Variants in HECW2 observed in about 807,000 individuals in gnomAD.
HECW2 encodes the protein E3 ubiquitin-protein ligase HECW2.
A neutral mutation model predicts 175.2 loss-of-function variants in HECW2; 61 were observed. The ratio of observed to expected loss-of-function variants is 0.35; its 90% confidence interval spans 0.28 to 0.43. The LOEUF (loss-of-function observed/expected upper bound fraction) is 0.43. HECW2 is among the 20% of genes least tolerant of loss of function. HECW2 has a pLI of 1.00. For missense variants in HECW2, 1,524 were observed against 2,000.5 expected (o/e 0.76, Z 4.54); for synonymous variants, 671 against 731.0 (o/e 0.92, Z 1.32).
chr2:196,333,127 G>T (rs534663015), intron 4 of HECW2, among the ~76,000 whole-genome samples: 8 of 152,060 alleles, frequency 5.3e-5, no homozygotes, highest in Admixed American at 5.2e-4. Context: ...TCCTGATCAG[G>T]ACAAATCCTA....
chr2:196,552,405 A>C (rs2125485707), intron 1 of HECW2, among the ~76,000 whole-genome samples: 1 of 152,176 alleles, frequency 6.6e-6, no homozygotes, highest in East Asian at 1.9e-4. Context: ...ACTATTTCTT[A>C]CTTTCCCCAT....
intron 2 of HECW2, among the ~76,000 whole-genome samples, chr2:196,421,870 A>G (rs1480404543): frequency 1.3e-5 from 2 of 152,156 alleles, no homozygotes; most frequent in Admixed American, 6.6e-5. Flanking sequence ...TTCTTTGGCT[A>G]CACCAACCTA....
chr2:196,253,753 T>G (rs1282191755), intron 19 of HECW2, among the ~76,000 whole-genome samples, 167 bp downstream of exon 19: 1 of 152,212 alleles, frequency 6.6e-6, no homozygotes, highest in Non-Finnish European at 1.5e-5. Context: ...TGAATCCTCA[T>G]GGAAATAAGC....
chr2:196,306,625 G>T lies in HECW2; in HGVS notation c.2690-13C>A. On this transcript the variant is annotated splice_polypyrimidine_tract_variant and intron_variant, in intron 12 of 28. Coordinates refer to ENST00000644978, the MANE Select transcript of HECW2 (RefSeq NM_001348768.2). ...TCCCGTCGGAAATCTAGATGGGGCA[G>T]ACCACAGAGGCGGTCAGGGAAATCT... 2 of 1,598,336 alleles carry T rather than the reference G, an allele frequency of 1.3e-6. No homozygotes were observed. The highest frequency in any genetic ancestry group is 2.3e-5 in the South Asian group (2 of 88,656).
chr2:196,355,867 G>T (rs1188862875), intron 2 of HECW2, among the ~76,000 whole-genome samples: 1 of 152,114 alleles, frequency 6.6e-6, no homozygotes, highest in African/African-American at 2.4e-5. Flanking sequence ...GGAATGGGGT[G>T]GAGAGAGGTT....
At chr2:196,445,453 T>C (rs550373401) in intron 1 of HECW2, among the ~76,000 whole-genome samples, 1 of 152,192 alleles carries the variant, frequency 6.6e-6, no homozygotes, top group Non-Finnish European at 1.5e-5. Flanking sequence ...CAGGGGTACA[T>C]GTGCAGGCTT....
At chr2:196,428,863 C>T (rs932990298) in intron 2 of HECW2, among the ~76,000 whole-genome samples, 10 of 152,320 alleles carry the variant, frequency 6.6e-5, no homozygotes, top group African/African-American at 2.2e-4. Flanking sequence ...TTAGGAACAA[C>T]TGCAGGTACA....
intron 2 of HECW2, among the ~76,000 whole-genome samples, chr2:196,359,512 A>G (rs541365736): frequency 6.6e-6 from 1 of 152,320 alleles, no homozygotes; most frequent in South Asian, 2.1e-4. Flanking sequence ...CTCAAAGATA[A>G]TCTCTTTTAA....
intron 1 of HECW2, among the ~76,000 whole-genome samples, chr2:196,482,985 G>T (rs115190494): frequency 1.3e-5 from 2 of 150,972 alleles, no homozygotes; most frequent in Non-Finnish European, 2.9e-5. Flanking sequence ...GCTACAACTC[G>T]TTGGCTTACC....
chr2:196,250,765 C>T (rs138919422), intron 19 of HECW2, among the ~76,000 whole-genome samples: 2,678 of 152,244 alleles, frequency 0.018, 38 homozygotes, highest in Middle Eastern at 0.051. Flanking sequence ...CTTCCACTCA[C>T]GTCCTGTGTC....
Position 196,201,155 on chromosome 2 carries a change from A to G in HECW2, c.*122T>C. 2.9e-6 allele frequency: 2 copies of G among 688,912 alleles called. No homozygotes were observed. The highest frequency in any genetic ancestry group is 3.4e-5 in the South Asian group (2 of 59,384). The allele number at this position is 688,912 out of a possible 1,614,324, so 42.7% of individuals were successfully genotyped here. A position where few individuals can be genotyped will look rare whatever the true frequency, so the allele number is the denominator to read the frequency against. On this transcript the variant is annotated 3_prime_UTR_variant, in exon 29 of 29. Coordinates refer to ENST00000644978, the MANE Select transcript of HECW2 (RefSeq NM_001348768.2). Reference sequence around the variant, plus strand: ...GTGACAGAGCACTTGTTCCTGGAAAACAACAGCACATAGCTTTATCCTAAA... The same window carrying G: ...GTGACAGAGCACTTGTTCCTGGAAAGCAACAGCACATAGCTTTATCCTAAA...
chr2:196,367,161 A>T (rs7609041), intron 2 of HECW2, among the ~76,000 whole-genome samples: 2,341 of 152,242 alleles, frequency 0.015, 63 homozygotes, highest in African/African-American at 0.053. Context: ...CTTTACCACC[A>T]TAGTGTATGA....
At chr2:196,525,263 G>A (rs1422981204) in intron 1 of HECW2, among the ~76,000 whole-genome samples, 3,464 of 76,500 alleles carry the variant, frequency 0.045, no homozygotes, top group Non-Finnish European at 0.055. Context: ...ATCTTTGTTG[G>A]TTTAAAGTCT....
chr2:196,537,121 G>C (rs1689047180), intron 1 of HECW2, among the ~76,000 whole-genome samples: 1 of 152,138 alleles, frequency 6.6e-6, no homozygotes, highest in African/African-American at 2.4e-5. Flanking sequence ...CAGGCCTCCT[G>C]CTCCTAGGAA....
rs548319641 is a variant in HECW2, at chr2:196,401,112, C to T, written c.292+32020G>A. Among the ~76,000 whole-genome samples, 14 of 152,258 alleles carry T rather than the reference C, an allele frequency of 9.2e-5. No homozygotes were observed. In the South Asian group the frequency reaches 2.9e-3, roughly 32 times the overall value. Reference sequence around the variant, plus strand: ...ATTCTTTGCCTCAGCAGTTTCATGCCTAGAAATTGTTTTTTGAAATACTGA... The same window carrying T: ...ATTCTTTGCCTCAGCAGTTTCATGCTTAGAAATTGTTTTTTGAAATACTGA... On this transcript the variant is annotated intron_variant, in intron 2 of 28. Coordinates refer to ENST00000644978, the MANE Select transcript of HECW2 (RefSeq NM_001348768.2).
intron 12 of HECW2, 107 bp downstream of exon 12, chr2:196,307,023 T>C (rs1173001799): frequency 5.6e-6 from 4 of 717,436 alleles, no homozygotes; most frequent in South Asian, 1.9e-5. Flanking sequence ...CCAGATCTTA[T>C]TGAAGAGCAA....
chr2:196,274,479 C>T (rs62184596), intron 15 of HECW2, among the ~76,000 whole-genome samples: 14,562 of 152,224 alleles, frequency 0.096, 1,010 homozygotes, highest in Non-Finnish European at 0.14. Flanking sequence ...CAGTCTGCAA[C>T]AACACAATCA....
At chr2:196,382,213 GTA>G (rs200883371) in intron 2 of HECW2, among the ~76,000 whole-genome samples, 35 of 42,998 alleles carry the variant, frequency 8.1e-4, no homozygotes, top group African/African-American at 2.6e-3. Flanking sequence ...TATACATATA[GTA>G]TGTGTGTGTG....
At chr2:196,552,398 A>T (rs1559172228) in intron 1 of HECW2, among the ~76,000 whole-genome samples, 1 of 152,082 alleles carries the variant, frequency 6.6e-6, no homozygotes, top group Non-Finnish European at 1.5e-5. Context: ...CATGACAACT[A>T]TTTCTTACTT....
Sources: gnomAD v4.1 joint callset for allele counts (sites outside exome capture counted in the v4.1 genomes callset) on GRCh38, gnomAD v4.1.1 for gene constraint, MANE v1.5 for transcripts, NCBI Gene and HGNC (gene_info 2026-07-23, HGNC 2026-07-21) for gene names.